Variants in WDFY4 observed in about 807,000 individuals in gnomAD.
WDFY4 encodes WDFY family member 4, also known as WD repeat- and FYVE domain-containing protein 4.
In WDFY4, 169 loss-of-function variants were observed where a neutral mutation model predicts 351.9. The ratio of observed to expected loss-of-function variants is 0.48; its 90% CI spans 0.42 to 0.55. The LOEUF is 0.55. WDFY4 is among the 20% of genes least tolerant of loss of function. WDFY4 has a pLI of 0.00. For missense variants in WDFY4, 3,803 were observed against 3,935.6 expected (o/e 0.97, Z 0.90); for synonymous variants, 1,622 against 1,574.6 (o/e 1.03, Z -0.71).
At chr10:48,778,567 CAG>C in intron 17 of WDFY4, 42 bp from the exon 18 acceptor site, 1 of 1,530,418 alleles carries the variant, frequency 6.5e-7, no homozygotes, top group Non-Finnish European at 8.8e-7. Flanking sequence ...GCATGCTCAG[CAG>C]GGCAGAACAA....
intron 1 of WDFY4, among the ~76,000 whole-genome samples, chr10:48,691,053 G>A (rs2063180789): frequency 1.3e-5 from 2 of 152,298 alleles, no homozygotes; most frequent in South Asian, 4.1e-4. Flanking sequence ...CTGAAGGCCA[G>A]TGCAAGTGGC....
In WDFY4 at chr10:48,856,183, T is replaced by G. The variant is rs570560808; in HGVS notation, c.6664-11082T>G. On this transcript the variant is annotated intron_variant, in intron 39 of 61. Coordinates refer to ENST00000325239, the MANE Select transcript of WDFY4 (RefSeq NM_001394531.1). ...TTTGTTCAATCTGTTGTAGTATGTT[T>G]TGAAATAGATGAAGAATATCTGACT... Among the ~76,000 whole-genome samples, 50 of 152,290 alleles carry G rather than the reference T, an allele frequency of 3.3e-4. 1 individual carries two copies. In the Middle Eastern group the frequency reaches 0.037, roughly 114 times the overall value.
At chr10:48,710,355 C>T (rs1316373573) in intron 2 of WDFY4, among the ~76,000 whole-genome samples, 2 of 152,146 alleles carry the variant, frequency 1.3e-5, no homozygotes. Context: ...AATTGTTTTC[C>T]AAAGGCCCTA....
At chr10:48,949,084 G>T (rs1841194528) in intron 51 of WDFY4, among the ~76,000 whole-genome samples, 1 of 152,162 alleles carries the variant, frequency 6.6e-6, no homozygotes, top group Non-Finnish European at 1.5e-5. Flanking sequence ...CATGCTTTTA[G>T]GTGACACAAA....
intron 39 of WDFY4, among the ~76,000 whole-genome samples, chr10:48,847,335 T>C (rs1904605): frequency 0.6 from 90,516 of 152,080 alleles, 29,283 homozygotes; most frequent in African/African-American, 0.87. Context: ...TCTCCAAATA[T>C]TGTCACATTC....
intron 12 of WDFY4, among the ~76,000 whole-genome samples, chr10:48,758,744 C>T (rs1028871831): frequency 2.6e-5 from 4 of 152,028 alleles, no homozygotes; most frequent in Non-Finnish European, 5.9e-5. Flanking sequence ...TTACTTGATT[C>T]TTTTTTATTG....
Position 48,776,886 on chromosome 10 carries a change from G to A in WDFY4, c.3000G>A (p.Leu1000=), listed in dbSNP as rs971270335. Reference sequence around the variant, plus strand: ...CAACTACTGCTCTTCAGACGGCGCTGAGCCTCATCTCCATGACCTCCCCAC... The same window carrying A: ...CAACTACTGCTCTTCAGACGGCGCTAAGCCTCATCTCCATGACCTCCCCAC... The part of the protein sequence containing the change: ...QDSTTALQTA[L]SLISMTSPRN... Residue 1000 remains leucine (L), a synonymous_variant, in exon 16 of 62, where the codon CTG becomes CTA. Transcript: ENST00000325239. The A allele has an allele frequency of 6.4e-6, 10 of 1,551,938 alleles. No individual in the cohort carries two copies. In the African/African-American group the frequency reaches 1.4e-4, roughly 21 times the overall value.
chr10:48,935,165 A>G (rs1331152991), intron 47 of WDFY4: 1 of 152,262 alleles, frequency 6.6e-6, no homozygotes, highest in Non-Finnish European at 1.5e-5. Flanking sequence ...CCGCCGCCCG[A>G]GCAAAACTTA....
intron 20 of WDFY4, among the ~76,000 whole-genome samples, chr10:48,787,135 G>T (rs891336837): frequency 6.6e-6 from 1 of 152,222 alleles, no homozygotes; most frequent in Non-Finnish European, 1.5e-5. Flanking sequence ...AGAGAGAAGA[G>T]AATGAGATAA....
At chr10:48,807,057 GT>G (rs1318894411) in intron 27 of WDFY4, among the ~76,000 whole-genome samples, 1 of 152,140 alleles carries the variant, frequency 6.6e-6, no homozygotes, top group African/African-American at 2.4e-5. Context: ...AGAAATTTAG[GT>G]TCAATGAGAT....
chr10:48,834,530 A>T (rs1235347933), intron 39 of WDFY4, among the ~76,000 whole-genome samples: 1 of 152,236 alleles, frequency 6.6e-6, no homozygotes, highest in African/African-American at 2.4e-5. Flanking sequence ...GGTCAAGATC[A>T]TCCTATAGGT....
intron 1 of WDFY4, among the ~76,000 whole-genome samples, chr10:48,689,070 C>G (rs2063130201): frequency 6.6e-6 from 1 of 151,798 alleles, no homozygotes; most frequent in African/African-American, 2.4e-5. Context: ...GGTAGACAAG[C>G]AAGGCAGCTT....
At chr10:48,772,578 G>T (rs1351204429) in intron 13 of WDFY4, among the ~76,000 whole-genome samples, 2 of 127,198 alleles carry the variant, frequency 1.6e-5, no homozygotes, top group African/African-American at 6.3e-5. Flanking sequence ...TAAGTTTTAG[G>T]GTACATGTGC....
intron 55 of WDFY4, chr10:48,968,126 C>A (rs1472431346): frequency 6.6e-6 from 1 of 152,306 alleles, no homozygotes. Flanking sequence ...TCCTGGGGAT[C>A]CTTCCTGAGG....
At chr10:48,910,020 C>G (rs1220412001) in intron 47 of WDFY4, 7 of 553,412 alleles carry the variant, frequency 1.3e-5, no homozygotes, top group African/African-American at 1.9e-5. Flanking sequence ...AAAACCACAT[C>G]AAATATTTCC....
rs976227758 is a variant in WDFY4, at chr10:48,817,443, A to G, written c.5505+34A>G. ...TGCTGCTGTCCCACCCAGAGAGAGC[A>G]GTTGTGAGCATCATCATCCTTCAAG... On this transcript the variant is annotated intron_variant, in intron 32 of 61. Coordinates refer to ENST00000325239, the MANE Select transcript of WDFY4 (RefSeq NM_001394531.1). 8.3e-5 allele frequency: 126 copies of G among 1,518,480 alleles called. 1 individual carries two copies. The East Asian group carries it at 2.9e-3, about 35-fold the overall frequency. 94.1% of individuals were successfully genotyped at this position (1,518,480 alleles called of 1,614,324 possible).
chr10:48,785,820 G>A (rs934065845), intron 19 of WDFY4, among the ~76,000 whole-genome samples: 4 of 152,196 alleles, frequency 2.6e-5, no homozygotes, highest in Admixed American at 2.6e-4. Flanking sequence ...TCTAGGACCT[G>A]TGCCTTCCCA....
intron 47 of WDFY4, among the ~76,000 whole-genome samples, chr10:48,928,606 T>G (rs927850509): frequency 1.3e-5 from 2 of 152,190 alleles, no homozygotes; most frequent in Non-Finnish European, 2.9e-5. Context: ...TCCTTTGAGC[T>G]GCACAGGCCC....
intron 57 of WDFY4, 97 bp downstream of exon 57, chr10:48,970,386 T>G: frequency 3.4e-6 from 5 of 1,469,136 alleles, no homozygotes; most frequent in Non-Finnish European, 4.5e-6. Context: ...GCAGGTGTGG[T>G]GCCGGAACAC....
Sources: gnomAD v4.1 joint callset for allele counts (sites outside exome capture counted in the v4.1 genomes callset) on GRCh38, gnomAD v4.1.1 for gene constraint, MANE v1.5 for transcripts, NCBI Gene and HGNC (gene_info 2026-07-23, HGNC 2026-07-21) for gene names.